FAM234A: variants seen among roughly 807,000 people sequenced by gnomAD.
The protein encoded by FAM234A is family with sequence similarity 234 member A.
In FAM234A, 42 loss-of-function variants were observed where a neutral mutation model predicts 49.1. That is an observed-to-expected ratio of 0.86 (90% CI 0.67 to 1.11). FAM234A has a LOEUF of 1.11. Among genes scored for constraint, FAM234A ranks in the 50% least tolerant of loss-of-function variants. The pLI, the probability that FAM234A is intolerant of heterozygous loss-of-function variation, is 0.00. For synonymous variants in FAM234A, 369 were observed against 316.2 expected, an observed-to-expected ratio of 1.17 and a Z score of -1.77; for missense variants, 815 against 745.2, an observed-to-expected ratio of 1.09 and a Z score of -1.09.
At chr16:262,057 G>C (rs2051488289) in intron 6 of FAM234A, 36 bp from the exon 7 acceptor site, 2 of 1,584,616 alleles carry the variant, frequency 1.3e-6, no homozygotes, top group Non-Finnish European at 1.7e-6. Context: ...CCAGGCTCAG[G>C]TCCCTCTCTT....
intron 3 of FAM234A, 85 bp from the exon 4 acceptor site, chr16:259,398 G>A: frequency 2.6e-6 from 2 of 766,350 alleles, no homozygotes; most frequent in Non-Finnish European, 4.6e-6. Context: ...GTTCCATGTA[G>A]CAGAGAAGTA....
At chr16:261,548 G>A (rs561121773) in intron 6 of FAM234A, 34 bp downstream of exon 6, 25 of 1,546,666 alleles carry the variant, frequency 1.6e-5, no homozygotes, top group African/African-American at 4.1e-5. Context: ...CCCAAGTCAC[G>A]AGGCCACCTG....
Position 264,162 on chromosome 16 carries a change from C to G in FAM234A, c.1335C>G (p.Thr445=), listed in dbSNP as rs1302526884. 1.9e-6 allele frequency: 3 copies of G among 1,600,360 alleles called. No individual in the cohort carries two copies. The South Asian group carries it at 3.3e-5, about 18-fold the overall frequency. ...FFWGLHELGS[T]SETETGEARH... ...GGGGCCTCCACGAGCTGGGGAGCAC[C>G]AGCGAGACGGTACGGGAGCCACCCT... is the stretch of plus-strand genomic sequence containing the variant. Residue 445 remains threonine (T), a synonymous_variant, in exon 11 of 13, where the codon ACC becomes ACG. Transcript: ENST00000399932.
At chr16:257,721 C>G (rs909535388) in intron 3 of FAM234A, among the ~76,000 whole-genome samples, 1 of 152,082 alleles carries the variant, frequency 6.6e-6, no homozygotes, top group Non-Finnish European at 1.5e-5. Context: ...CGCAGTGGCT[C>G]ACACCTGTAA....
At chr16:257,535 C>T (rs893290516) in intron 3 of FAM234A, among the ~76,000 whole-genome samples, 1 of 152,114 alleles carries the variant, frequency 6.6e-6, no homozygotes, top group Admixed American at 6.5e-5. Flanking sequence ...CGTGAGCCAC[C>T]GCACTCAGCC....
At chr16:266,459 G>A (rs760103903), downstream of FAM234A, among the ~76,000 whole-genome samples, 143 of 152,292 alleles carry the variant, frequency 9.4e-4, no homozygotes, top group Non-Finnish European at 1.0e-4. Flanking sequence ...GTAGGGCCGG[G>A]GTGAGCTCTG....
intron 8 of FAM234A, 23 bp downstream of exon 8, chr16:262,576 C>G (rs749250433): frequency 3.8e-6 from 6 of 1,561,316 alleles, no homozygotes; most frequent in Non-Finnish European, 5.2e-6. Context: ...CGCAGCCTTT[C>G]TCCATGCAGA....
At position 265,604 on chromosome 16, in the gene FAM234A, G is replaced by C. The variant is rs529919898; in HGVS notation, c.*582G>C. 1.0e-6 allele frequency: 1 copy of C among 985,616 alleles called. No individual in the cohort carries two copies. Among genetic ancestry groups the C allele is most frequent in the South Asian group, 4.7e-5 (1 of 21,302 alleles). 61.1% of individuals were successfully genotyped at this position (985,616 alleles called of 1,614,324 possible). The stretch of plus-strand genomic sequence containing the variant: ...GAGCTACAGGGGGATCCTCTAGCAT[G>C]GGGGGTGTGACTTGGTTCCTTTGAC... On this transcript the variant is annotated 3_prime_UTR_variant, in exon 13 of 13. Transcript: ENST00000399932.
At chr16:258,863 A>ACTTG (rs2051344881) in intron 3 of FAM234A, among the ~76,000 whole-genome samples, 1 of 152,104 alleles carries the variant, frequency 6.6e-6, no homozygotes, top group Admixed American at 6.5e-5. Flanking sequence ...GCTCACTGCA[A>ACTTG]CCTCTGCCTC....
At chr16:268,485 A>C, downstream of FAM234A, 1 of 504,254 alleles carries the variant, frequency 2.0e-6, no homozygotes, top group African/African-American at 1.9e-5. Flanking sequence ...CTGGTGAGGC[A>C]CTTGGGGGAT....
intron 11 of FAM234A, 53 bp downstream of exon 11, chr16:264,224 A>G (rs1034972542): frequency 4.1e-5 from 62 of 1,518,504 alleles, no homozygotes; most frequent in Non-Finnish European, 5.2e-5. Flanking sequence ...CCAGAGACCC[A>G]GGCTGGAGCT....
At chr16:254,798 C>A (rs1021625439) in intron 3 of FAM234A, 117 bp downstream of exon 3, 18 of 1,057,762 alleles carry the variant, frequency 1.7e-5, no homozygotes, top group Non-Finnish European at 2.3e-5. Flanking sequence ...GTGAATCAAT[C>A]CCAAGAGGCT....
intron 1 of FAM234A, among the ~76,000 whole-genome samples, chr16:244,162 G>GT (rs1275032845): frequency 5.3e-5 from 8 of 152,140 alleles, no homozygotes; most frequent in South Asian, 2.1e-4. Context: ...TAGAGATGGG[G>GT]TTTCACCGTG....
At position 262,076 on chromosome 16, in the gene FAM234A, A is replaced by G. The variant is rs1283651773; in HGVS notation, c.709-17A>G. 6.2e-7 allele frequency: 1 copy of G among 1,612,564 alleles called. No homozygotes were observed. Among genetic ancestry groups the G allele is most frequent in the South Asian group, 1.1e-5 (1 of 90,938 alleles). On this transcript the variant is annotated splice_polypyrimidine_tract_variant and intron_variant, in intron 6 of 12. Coordinates refer to ENST00000399932, the MANE Select transcript of FAM234A (RefSeq NM_032039.4). Reference sequence around the variant, plus strand: ...GCTCAGGTCCCTCTCTTCCTGTGTCATCCTGTGTCATTGCAGGTTAGTGGC... The same window carrying G: ...GCTCAGGTCCCTCTCTTCCTGTGTCGTCCTGTGTCATTGCAGGTTAGTGGC...
At chr16:268,671 G>A (rs2060593734), downstream of FAM234A, 1 of 1,257,618 alleles carries the variant, frequency 8.0e-7, no homozygotes, top group Non-Finnish European at 1.1e-6. Flanking sequence ...GCGCACCTGT[G>A]GACAAATTCT....
Position 263,726 on chromosome 16 carries a change from C to T in FAM234A, c.1139C>T (p.Pro380Leu). ...AAACCCATCTTCGGCCGCTACAAAC[C>T]AGACACCTTGGCTGTAGCCGTTGAA... ...LRKPIFGRYK[P>L]DTLAVAVENG... The change falls in exon 10 of 13, where the codon CCA (proline) becomes CTA (leucine). Residue 380 changes from proline (P) to leucine (L), a missense_variant. Transcript: ENST00000399932. The T allele has an allele frequency of 6.2e-7, 1 of 1,614,050 alleles. No individual in the cohort carries two copies. The highest frequency in any genetic ancestry group is 8.5e-7 in the Non-Finnish European group (1 of 1,179,948).
intron 1 of FAM234A, among the ~76,000 whole-genome samples, chr16:236,892 G>A (rs1468520897): frequency 4.0e-5 from 2 of 49,912 alleles, no homozygotes; most frequent in Non-Finnish European, 1.2e-4. Context: ...GGGCCACAGC[G>A]AGACTGTCTC....
Position 260,052 on chromosome 16 carries a change from G to A in FAM234A, c.469G>A (p.Val157Met), listed in dbSNP as rs550467120. The A allele has an allele frequency of 7.4e-6, 12 of 1,613,702 alleles. No individual in the cohort carries two copies. The South Asian group carries it at 9.9e-5, about 13-fold the overall frequency. The stretch of plus-strand genomic sequence containing the variant: ...CTGGGAGAGACCTGTGGCCCAAGAC[G>A]TGGCCCTCGTGGAGTGTGCTGTGCC... ...TLWERPVAQD[V>M]ALVECAVPQP... Residue 157 changes from valine to methionine, a missense_variant, in exon 5 of 13, where the codon GTG becomes ATG. Coordinates refer to ENST00000399932, the MANE Select transcript of FAM234A (RefSeq NM_032039.4).
chr16:235,699 A>G (rs983024849), intron 1 of FAM234A, among the ~76,000 whole-genome samples: 2 of 152,138 alleles, frequency 1.3e-5, no homozygotes, highest in Non-Finnish European at 2.9e-5. Context: ...GTCTGCATCC[A>G]ATTAGAGCAG....
Sources: allele counts gnomAD v4.1 joint callset (sites outside exome capture counted in the v4.1 genomes callset), GRCh38; gene constraint gnomAD v4.1.1; transcripts MANE v1.5; gene names NCBI Gene and HGNC (gene_info 2026-07-23, HGNC 2026-07-21).